CLDN14: variants seen among roughly 807,000 people sequenced by gnomAD.
CLDN14 encodes claudin 14.
CLDN14 carries 2 observed loss-of-function variants against 2.1 expected under a neutral mutation model. That is an observed-to-expected ratio of 0.96 (90% CI 0.39 to 3.01). CLDN14 has a LOEUF of 3.01. CLDN14 is among the 30% of genes most tolerant of loss of function. The probability of loss-of-function intolerance (pLI) is 0.09; values close to 1 mark genes in which losing one functional copy is unlikely to be tolerated. For synonymous variants in CLDN14, 136 were observed against 154.4 expected (o/e 0.88, Z 0.88); for missense variants, 298 against 328.0 (o/e 0.91, Z 0.71).
chr21:36,477,129 G>A (rs1248484403), intron 1 of CLDN14, among the ~76,000 whole-genome samples: 1 of 152,236 alleles, frequency 6.6e-6, no homozygotes, highest in Non-Finnish European at 1.5e-5. Flanking sequence ...TATTAAGAAT[G>A]TCAAGATGGC....
intron 2 of CLDN14, chr21:36,485,777 G>T (rs2086888588): frequency 6.3e-6 from 2 of 315,788 alleles, no homozygotes; most frequent in Non-Finnish European, 1.2e-5. Flanking sequence ...ACCTACCTTG[G>T]AGAGCCTCTC....
intron 1 of CLDN14, among the ~76,000 whole-genome samples, chr21:36,475,402 G>A (rs219750): frequency 4.6e-5 from 7 of 152,314 alleles, no homozygotes; most frequent in Admixed American, 1.3e-4. Context: ...TGTAGCCGCA[G>A]CCCTTGGAGA....
chr21:36,463,695 G>A (rs1039022083), intron 1 of CLDN14, among the ~76,000 whole-genome samples: 1 of 152,180 alleles, frequency 6.6e-6, no homozygotes, highest in South Asian at 2.1e-4. Context: ...CTGGGCAACA[G>A]AGCAAGACTC....
chr21:36,517,081 C>A (rs1248376593), intron 1 of CLDN14, among the ~76,000 whole-genome samples: 2 of 151,872 alleles, frequency 1.3e-5, no homozygotes, highest in African/African-American at 4.8e-5. Context: ...CTCAAGTGAT[C>A]CACCCACCTC....
At chr21:36,532,701 C>T (rs1026339692) in intron 1 of CLDN14, among the ~76,000 whole-genome samples, 8 of 152,002 alleles carry the variant, frequency 5.3e-5, no homozygotes, top group Non-Finnish European at 1.2e-4. Context: ...TGGGGTTGAA[C>T]GCCAAAAGGA....
intron 1 of CLDN14, among the ~76,000 whole-genome samples, chr21:36,572,061 A>G (rs1007344940): frequency 2.6e-5 from 4 of 152,154 alleles, no homozygotes; most frequent in African/African-American, 9.7e-5. Flanking sequence ...CTGAAACACA[A>G]CAGGCTTTAT....
intron 2 of CLDN14, chr21:36,487,352 G>A (rs1202329884): frequency 3.6e-5 from 7 of 196,066 alleles, no homozygotes; most frequent in Non-Finnish European, 6.8e-5. Context: ...TGGGGAAGAA[G>A]TCCTCATTCT....
chr21:36,519,733 CA>C (rs33915345), intron 1 of CLDN14, among the ~76,000 whole-genome samples: 1 of 150,666 alleles, frequency 6.6e-6, no homozygotes, highest in Non-Finnish European at 1.5e-5. Context: ...ACAACAACAA[CA>C]AAACCCCAAA....
chr21:36,535,594 A>G (rs1490106572), intron 1 of CLDN14, among the ~76,000 whole-genome samples: 1 of 152,228 alleles, frequency 6.6e-6, no homozygotes, highest in African/African-American at 2.4e-5. Context: ...ACACATACAC[A>G]TCTAAATGAC....
chr21:36,523,795 GAAAGAA>G lies in CLDN14; in HGVS notation c.-219-13301_-219-13296del, dbSNP rs1568868920. On this transcript the variant is annotated intron_variant, in intron 1 of 2. Coordinates refer to the CLDN14 transcript ENST00000342108. ...AGAGAGAAAGAGAGAAAGAAAGAAA[GAAAGAA>G]AGAAAGAAAGAAAGAAAGAAAGAAA... Among the ~76,000 whole-genome samples, 9 of 113,924 alleles carry G rather than the reference GAAAGAA, an allele frequency of 7.9e-5. 1 individual carries two copies. Among genetic ancestry groups the G allele is most frequent in the East Asian group, 2.4e-4 (1 of 4,126 alleles). The allele number at this position is 113,924 out of a possible 152,430, so 74.7% of individuals were successfully genotyped here.
chr21:36,461,415 G>A lies in CLDN14; in HGVS notation c.281C>T (p.Ala94Val), dbSNP rs2086571712. 2 of 1,613,238 alleles carry A rather than the reference G, an allele frequency of 1.2e-6. No homozygotes were observed. The highest frequency in any genetic ancestry group is 1.1e-5 in the South Asian group (1 of 91,086). ...MVISCLLSGI[A>V]CACAVIGMKC... is the part of the protein sequence containing the mutation. The stretch of plus-strand genomic sequence containing the variant: ...CATCCCGATGACGGCGCAGGCGCAG[G>A]CTATGCCCGAGAGCAGGCAGGAGAT... The change falls in exon 2 of 2, where the codon GCC becomes GTC. Residue 94 changes from alanine (A) to valine (V), a missense_variant. Physicochemically the swap from Ala to Val is moderately conservative, Grantham distance 64 (BLOSUM62 0). Transcript: ENST00000399135.
chr21:36,480,970 T>C (rs894915975), upstream of CLDN14: 2 of 152,158 alleles, frequency 1.3e-5, no homozygotes, highest in African/African-American at 2.4e-5. Context: ...CATCCAGTAG[T>C]GTCAGGAGCT....
intron 1 of CLDN14, among the ~76,000 whole-genome samples, chr21:36,539,491 T>G (rs867880619): frequency 1.2e-5 from 1 of 86,922 alleles, no homozygotes; most frequent in Admixed American, 1.1e-4. Flanking sequence ...GGAATGTGTG[T>G]GTGTGCAGAG....
At chr21:36,539,161 A>G (rs1313932761) in intron 1 of CLDN14, among the ~76,000 whole-genome samples, 3 of 152,260 alleles carry the variant, frequency 2.0e-5, no homozygotes, top group Admixed American at 2.0e-4. Context: ...AAAAATGTTT[A>G]TGGAGAAACT....
intron 1 of CLDN14, among the ~76,000 whole-genome samples, chr21:36,557,408 C>G (rs1462880193): frequency 1.3e-5 from 2 of 151,964 alleles, no homozygotes; most frequent in Admixed American, 1.3e-4. Flanking sequence ...ACATTTCCAC[C>G]AAGAGTGAAC....
upstream of CLDN14, among the ~76,000 whole-genome samples, chr21:36,483,312 C>T (rs1178011621): frequency 1.3e-5 from 2 of 152,234 alleles, no homozygotes; most frequent in African/African-American, 2.4e-5. Context: ...GGAGCGAGCC[C>T]GGTCCAGTGC....
intron 1 of CLDN14, among the ~76,000 whole-genome samples, chr21:36,552,738 A>C (rs1028307082): frequency 1.3e-5 from 2 of 150,030 alleles, no homozygotes; most frequent in African/African-American, 2.4e-5. Context: ...GGAAAAAAAA[A>C]CTCTCTATTT....
intron 1 of CLDN14, among the ~76,000 whole-genome samples, chr21:36,474,633 T>C (rs192889453): frequency 9.7e-4 from 148 of 152,170 alleles, no homozygotes; most frequent in African/African-American, 3.1e-3. Context: ...ACAACACCGA[T>C]AACAAAAAAC....
intron 1 of CLDN14, among the ~76,000 whole-genome samples, chr21:36,539,457 AGT>A (rs1044197856): frequency 7.5e-5 from 10 of 132,860 alleles, no homozygotes; most frequent in African/African-American, 2.7e-4. Context: ...GTGCAGAGTG[AGT>A]GTGTGTGGAG....
Sources: gnomAD v4.1 joint callset for allele counts (sites outside exome capture counted in the v4.1 genomes callset) on GRCh38, gnomAD v4.1.1 for gene constraint, MANE v1.5 for transcripts, NCBI Gene and HGNC (gene_info 2026-07-23, HGNC 2026-07-21) for gene names.